Variants in CCDC85C observed in about 807,000 individuals in gnomAD.
CCDC85C encodes the protein coiled-coil domain-containing protein 85C.
In CCDC85C, 18 loss-of-function variants were observed where a neutral mutation model predicts 38.3. That is an observed-to-expected ratio of 0.47 (90% CI 0.33 to 0.70). The LOEUF is 0.70. CCDC85C is among the 30% of genes least tolerant of loss of function. The pLI, the probability that CCDC85C is intolerant of heterozygous loss-of-function variation, is 0.03. For synonymous variants in CCDC85C, 264 were observed against 293.8 expected (o/e 0.90, Z 1.04); for missense variants, 566 against 621.2 (o/e 0.91, Z 0.94).
chr14:99,579,444 G>A (rs1474679234), intron 1 of CCDC85C, among the ~76,000 whole-genome samples: 2 of 152,246 alleles, frequency 1.3e-5, no homozygotes, highest in African/African-American at 2.4e-5. Flanking sequence ...ACCTACAGGG[G>A]AGCTGGCAGG....
intron 1 of CCDC85C, among the ~76,000 whole-genome samples, chr14:99,567,761 C>T (rs1432735251): frequency 6.6e-6 from 1 of 152,128 alleles, no homozygotes; most frequent in African/African-American, 2.4e-5. Context: ...GGAGGAGGAG[C>T]TTGCGGTGAG....
chr14:99,580,504 T>C lies in CCDC85C; in HGVS notation c.793+22663A>G, dbSNP rs540999238. Among the ~76,000 whole-genome samples the C allele has an allele frequency of 2.7e-5, 4 of 147,880 alleles. No individual in the cohort carries two copies. The East Asian group carries it at 8.2e-4, about 30-fold the overall frequency. Reference sequence around the variant, plus strand: ...GGAAGGGGGCGGGGATGGGGGGAACTGGAGGCGGAGAAGACAGCCAGGGAA... The same window carrying C: ...GGAAGGGGGCGGGGATGGGGGGAACCGGAGGCGGAGAAGACAGCCAGGGAA... On this transcript the variant is annotated intron_variant, in intron 1 of 5. Transcript: ENST00000380243.
At position 99,520,167 on chromosome 14, in the gene CCDC85C, G is replaced by A. The variant is rs1174149839; in HGVS notation, c.975+1966C>T. Among the ~76,000 whole-genome samples, 1 of 152,174 alleles carries A rather than the reference G, an allele frequency of 6.6e-6. No homozygotes were observed. On this transcript the variant is annotated intron_variant, in intron 3 of 5. Transcript: ENST00000380243. This position sits in a 1 kb window ranked among gnomAD's most constrained non-coding sequence, Gnocchi z 4.1. ...TCCAGCATGCCCTCAATGTGCCCAT[G>A]ACCCACAGGTAGCCTTAAAGGAGAC...
At chr14:99,534,618 AG>A in intron 2 of CCDC85C, 1 of 702,234 alleles carries the variant, frequency 1.4e-6, no homozygotes, top group Non-Finnish European at 2.6e-6. Context: ...TCCAAAGCAA[AG>A]GTCCCTAAGC....
chr14:99,571,554 C>T (rs1361601390), intron 1 of CCDC85C, among the ~76,000 whole-genome samples: 1 of 152,214 alleles, frequency 6.6e-6, no homozygotes, highest in African/African-American at 2.4e-5. Context: ...TCAGCCACGT[C>T]TGCAGGGGAG....
intron 1 of CCDC85C, among the ~76,000 whole-genome samples, chr14:99,592,985 G>T (rs557702399): frequency 1.3e-5 from 2 of 152,246 alleles, no homozygotes; most frequent in South Asian, 2.1e-4. Context: ...GTGGCTGGGT[G>T]GGGGGAGCGT....
At chr14:99,519,215 A>G (rs1897271491) in intron 3 of CCDC85C, among the ~76,000 whole-genome samples, 1 of 142,864 alleles carries the variant, frequency 7.0e-6, no homozygotes, top group African/African-American at 2.6e-5. Flanking sequence ...TCCCAGGCTC[A>G]AGCAATCCTC....
At position 99,538,549 on chromosome 14, in the gene CCDC85C, G is replaced by A. The variant is rs111285152; in HGVS notation, c.794-2461C>T. 2.3e-3 allele frequency among the ~76,000 whole-genome samples: 357 copies of A among 152,298 alleles called. 1 individual carries two copies. The highest frequency in any genetic ancestry group is 8.4e-3 in the African/African-American group (348 of 41,564). ...GGCACTAACTTGTTCTCTGCCCTTC[G>A]CTGCCACAGAACCATTCAGGAGGTG... On this transcript the variant is annotated intron_variant, in intron 1 of 5. Coordinates refer to ENST00000380243, the MANE Select transcript of CCDC85C (RefSeq NM_001144995.2).
intron 1 of CCDC85C, among the ~76,000 whole-genome samples, chr14:99,560,230 C>A (rs74844525): frequency 0.017 from 2,533 of 152,280 alleles, 72 homozygotes; most frequent in African/African-American, 0.058. Flanking sequence ...ACGCAGCCCT[C>A]ATGCCTGCCT....
At chr14:99,532,782 CTTTTTTTTTT>C (rs34038396) in intron 2 of CCDC85C, among the ~76,000 whole-genome samples, 1 of 124,410 alleles carries the variant, frequency 8.0e-6, no homozygotes, top group Non-Finnish European at 1.6e-5. Context: ...TCTTCTTCTT[CTTTTTTTTTT>C]TTTTTTTGAG....
At position 99,510,035 on chromosome 14, in the gene CCDC85C, C is replaced by G. The variant is rs1449489458; in HGVS notation, c.*5211G>C. 2 of 974,648 alleles carry G rather than the reference C, an allele frequency of 2.1e-6. No individual in the cohort carries two copies. Among genetic ancestry groups the G allele is most frequent in the East Asian group, 5.2e-5 (2 of 38,200 alleles). The allele number at this position is 974,648 out of a possible 1,614,324, so 60.4% of individuals were successfully genotyped here. ...TGGGGCATGGGCCCATGCGTTGGGC[C>G]ACAGAGGAGGCGGGCAGCTGCTCCC... On this transcript the variant is annotated 3_prime_UTR_variant, in exon 6 of 6. Transcript: ENST00000380243.
At chr14:99,578,159 G>A (rs1244267156) in intron 1 of CCDC85C, among the ~76,000 whole-genome samples, 40 of 103,726 alleles carry the variant, frequency 3.9e-4, no homozygotes, top group South Asian at 9.9e-4. Context: ...CATACAGCCC[G>A]TCCTGTATCC....
chr14:99,517,663 C>G (rs1897247912), intron 3 of CCDC85C, among the ~76,000 whole-genome samples: 2 of 152,334 alleles, frequency 1.3e-5, no homozygotes, highest in South Asian at 4.1e-4. Context: ...TCCCTGGGGC[C>G]TGCCTCCCAG....
Position 99,588,930 on chromosome 14 carries a change from A to T in CCDC85C, c.793+14237T>A. ...GGATGTGAACCAACTGCTTCACCTC[A>T]TATGTGGGTAAACTGAGGCCTGGGG... On this transcript the variant is annotated intron_variant, in intron 1 of 5. Transcript: ENST00000380243. The surrounding 1 kb of genome is among the most constrained non-coding windows in gnomAD (Gnocchi z 5.0). Among the ~76,000 whole-genome samples the T allele has an allele frequency of 6.6e-6, 1 of 152,122 alleles. No individual in the cohort carries two copies. The highest frequency in any genetic ancestry group is 1.5e-5 in the Non-Finnish European group (1 of 68,018).
Position 99,584,003 on chromosome 14 carries a change from T to C in CCDC85C, c.793+19164A>G, listed in dbSNP as rs113559447. Among the ~76,000 whole-genome samples, 1,497 of 152,132 alleles carry C rather than the reference T, an allele frequency of 9.8e-3. 37 individuals are homozygous for C. The highest frequency in any genetic ancestry group is 0.034 in the African/African-American group (1,418 of 41,490). On this transcript the variant is annotated intron_variant, in intron 1 of 5. Transcript: ENST00000380243. The stretch of plus-strand genomic sequence containing the variant: ...GTGCTCCTTATGTGAGATGTCACCA[T>C]TGGGGGAAGCTGGCGGAAGGGTATG...
rs1470856645 is a variant in CCDC85C, at chr14:99,588,710, G to A, written c.793+14457C>T. On this transcript the variant is annotated intron_variant, in intron 1 of 5. Coordinates refer to ENST00000380243, the MANE Select transcript of CCDC85C (RefSeq NM_001144995.2). The surrounding 1 kb of genome is among the most constrained non-coding windows in gnomAD (Gnocchi z 5.0). ...GTATAAGCACTTGGAAGGTGGTCCTGAAGTAAGAAACCAGGCCACTGCAGG... is the reference window on the plus strand; with the variant it reads ...GTATAAGCACTTGGAAGGTGGTCCTAAAGTAAGAAACCAGGCCACTGCAGG... 6.6e-6 allele frequency among the ~76,000 whole-genome samples: 1 copy of A among 151,902 alleles called. No homozygotes were observed. Among genetic ancestry groups the A allele is most frequent in the Non-Finnish European group, 1.5e-5 (1 of 68,010 alleles).
At chr14:99,515,678 C>T (rs10135035) in intron 5 of CCDC85C, among the ~76,000 whole-genome samples, 42,458 of 152,022 alleles carry the variant, frequency 0.28, 6,796 homozygotes, top group Non-Finnish European at 0.37. Flanking sequence ...ACTCCTTCCC[C>T]GATGGCTCCT....
At chr14:99,585,559 T>C (rs1306819655) in intron 1 of CCDC85C, among the ~76,000 whole-genome samples, 1 of 152,250 alleles carries the variant, frequency 6.6e-6, no homozygotes, top group Non-Finnish European at 1.5e-5. Context: ...GCTGAGTGAC[T>C]GTTAGCTATT....
At position 99,506,088 on chromosome 14, in the gene CCDC85C, C is replaced by CA. The variant is rs1334917940; in HGVS notation, c.*9157dup. On this transcript the variant is annotated 3_prime_UTR_variant, in exon 6 of 6. Coordinates refer to ENST00000380243, the MANE Select transcript of CCDC85C (RefSeq NM_001144995.2). ...TAGGGATGGGCCATGGTTTTGGTGGCAAGATGGACGCTAGAAATGTAGGTT... is the reference window on the plus strand; with the variant it reads ...TAGGGATGGGCCATGGTTTTGGTGGCAAAGATGGACGCTAGAAATGTAGGTT... The CA allele has an allele frequency of 1.3e-5, 2 of 152,354 alleles. No individual in the cohort carries two copies. The highest frequency in any genetic ancestry group is 4.8e-5 in the African/African-American group (2 of 41,382). The allele number at this position is 152,354 out of a possible 1,614,324, so 9.4% of individuals were successfully genotyped here. A position where few individuals can be genotyped will look rare whatever the true frequency, so the allele number is the denominator to read the frequency against.
Sources: allele counts gnomAD v4.1 joint callset (sites outside exome capture counted in the v4.1 genomes callset), GRCh38; gene constraint gnomAD v4.1.1; non-coding constraint Gnocchi (gnomAD v3.1); transcripts MANE v1.5; gene names NCBI Gene and HGNC (gene_info 2026-07-23, HGNC 2026-07-21).